RYR2: variants seen among roughly 807,000 people sequenced by gnomAD.
The protein encoded by RYR2 is ryanodine receptor 2.
In RYR2, 227 loss-of-function variants were observed where a neutral mutation model predicts 601.1. The ratio of observed to expected loss-of-function variants is 0.38; its 90% confidence interval spans 0.34 to 0.42. The LOEUF is 0.42. Among genes scored for constraint, RYR2 ranks in the 10% least tolerant of loss-of-function variants. The pLI is 1.00. For synonymous variants in RYR2, 2,223 were observed against 2,175.1 expected, an observed-to-expected ratio of 1.02 and a Z score of -0.61; for missense variants, 4,646 against 6,156.5, an observed-to-expected ratio of 0.75 and a Z score of 8.21.
At chr1:237,273,005 A>G (rs1343552016) in intron 2 of RYR2, among the ~76,000 whole-genome samples, 2 of 152,182 alleles carry the variant, frequency 1.3e-5, no homozygotes, top group African/African-American at 4.8e-5. Context: ...CGATTTTCCC[A>G]TGAACCGGGG....
At chr1:237,344,914 A>G (rs1698162771) in intron 3 of RYR2, among the ~76,000 whole-genome samples, 1 of 151,968 alleles carries the variant, frequency 6.6e-6, no homozygotes, top group African/African-American at 2.4e-5. Context: ...GGATTCAAGC[A>G]GTTCTCCTGC....
chr1:237,633,477 G>A, intron 42 of RYR2, 101 bp from the exon 43 acceptor site: 1 of 1,401,176 alleles, frequency 7.1e-7, no homozygotes, highest in Non-Finnish European at 9.9e-7. Context: ...GCACACACAT[G>A]GACACACGGG....
intron 1 of RYR2, among the ~76,000 whole-genome samples, chr1:237,110,980 C>T (rs763075369): frequency 2.1e-4 from 32 of 152,136 alleles, no homozygotes; most frequent in Non-Finnish European, 4.1e-4. Context: ...AGGTCAAGCA[C>T]GATGCCAGGT....
At chr1:237,384,461 C>G (rs1701811979) in intron 8 of RYR2, among the ~76,000 whole-genome samples, 1 of 152,236 alleles carries the variant, frequency 6.6e-6, no homozygotes, top group Non-Finnish European at 1.5e-5. Context: ...CACCTTTGTG[C>G]TCACGCTCTT....
intron 100 of RYR2, 95 bp downstream of exon 100, chr1:237,809,130 G>C: frequency 8.7e-7 from 1 of 1,148,342 alleles, no homozygotes; most frequent in South Asian, 1.4e-5. Flanking sequence ...GTACAAAATA[G>C]AAAATAGTCT....
In RYR2 at chr1:237,263,507, A is replaced by G. The variant is rs559367152; in HGVS notation, c.49-6990A>G. Among the ~76,000 whole-genome samples, 134 of 152,342 alleles carry G rather than the reference A, an allele frequency of 8.8e-4. 1 individual carries two copies. The highest frequency in any genetic ancestry group is 3.1e-3 in the African/African-American group (127 of 41,584). On this transcript the variant is annotated intron_variant, in intron 1 of 104. Coordinates refer to ENST00000366574, the MANE Select transcript of RYR2 (RefSeq NM_001035.3). ...TCTGTCTGCAAGTAACATCACTGTC[A>G]TGGTTTATGAATTCTGTTCCTTGTT...
intron 58 of RYR2, among the ~76,000 whole-genome samples, chr1:237,670,909 T>C (rs1684868846): frequency 6.6e-6 from 1 of 152,212 alleles, no homozygotes; most frequent in Non-Finnish European, 1.5e-5. Context: ...ATTTTTAGAT[T>C]AGACCTATTC....
intron 92 of RYR2, among the ~76,000 whole-genome samples, chr1:237,789,658 C>T (rs1372281023): frequency 8.1e-6 from 1 of 123,060 alleles, no homozygotes; most frequent in Non-Finnish European, 1.9e-5. Context: ...TGTTTAACTA[C>T]AGTTGTGTAA....
chr1:237,566,812 T>A, intron 28 of RYR2, 37 bp downstream of exon 28: 1 of 1,599,060 alleles, frequency 6.3e-7, no homozygotes, highest in Non-Finnish European at 8.6e-7. Flanking sequence ...CATCTGTACG[T>A]GCTGGAGGCT....
At chr1:237,817,890 G>A (rs1018458323) in intron 100 of RYR2, among the ~76,000 whole-genome samples, 9 of 152,192 alleles carry the variant, frequency 5.9e-5, no homozygotes, top group African/African-American at 2.2e-4. Flanking sequence ...CATTAAGTCA[G>A]GGTATCTGGA....
chr1:237,709,414 G>GT (rs35261418), intron 69 of RYR2, 66 bp from the exon 70 acceptor site: 520 of 723,008 alleles, frequency 7.2e-4, no homozygotes, highest in African/African-American at 6.2e-3. Context: ...TGGGGGGATG[G>GT]TTTTTTTTTT....
chr1:237,593,372 A>C, intron 32 of RYR2, 104 bp from the exon 33 acceptor site: 1 of 1,156,238 alleles, frequency 8.6e-7, no homozygotes, highest in Non-Finnish European at 1.2e-6. Flanking sequence ...CCAAGAAGTG[A>C]ATTCTTAAGT....
intron 58 of RYR2, among the ~76,000 whole-genome samples, chr1:237,670,161 C>T (rs1054843749): frequency 3.3e-5 from 5 of 151,610 alleles, no homozygotes; most frequent in African/African-American, 7.3e-5. Flanking sequence ...TGGCGGCGCG[C>T]GCCTGCAATC....
intron 1 of RYR2, among the ~76,000 whole-genome samples, chr1:237,163,613 T>C (rs1270250582): frequency 6.6e-6 from 1 of 152,204 alleles, no homozygotes; most frequent in Non-Finnish European, 1.5e-5. Context: ...TACTTGAGCA[T>C]ACCCAGTTCT....
chr1:237,352,479 A>T (rs1015624717), intron 3 of RYR2, among the ~76,000 whole-genome samples: 1 of 152,142 alleles, frequency 6.6e-6, no homozygotes, highest in Non-Finnish European at 1.5e-5. Flanking sequence ...TACCATGTTC[A>T]TATATTGGGA....
intron 1 of RYR2, among the ~76,000 whole-genome samples, chr1:237,122,312 A>G (rs957867614): frequency 2.6e-5 from 4 of 152,240 alleles, no homozygotes; most frequent in Admixed American, 2.0e-4. Flanking sequence ...CAGAAGTACA[A>G]TGTTTCCTTT....
At chr1:237,260,419 C>T (rs190106804) in intron 1 of RYR2, among the ~76,000 whole-genome samples, 4 of 152,250 alleles carry the variant, frequency 2.6e-5, no homozygotes, top group East Asian at 3.9e-4. Flanking sequence ...AGAAAATTCC[C>T]GAAGGTGATT....
chr1:237,110,716 C>T (rs537429509), intron 1 of RYR2, among the ~76,000 whole-genome samples: 1 of 152,314 alleles, frequency 6.6e-6, no homozygotes, highest in South Asian at 2.1e-4. Context: ...CTCTACTCTT[C>T]TGCGTCATCT....
chr1:237,407,308 ATATC>A, intron 10 of RYR2, among the ~76,000 whole-genome samples: 1 of 152,254 alleles, frequency 6.6e-6, no homozygotes, highest in East Asian at 1.9e-4. Context: ...ATTTGGGTAA[ATATC>A]AAGAAGCACA....
Sources: allele counts gnomAD v4.1 joint callset (sites outside exome capture counted in the v4.1 genomes callset), GRCh38; gene constraint gnomAD v4.1.1; transcripts MANE v1.5; gene names NCBI Gene and HGNC (gene_info 2026-07-23, HGNC 2026-07-21).